The following ACVR2A variants were observed in gnomAD, a reference collection of about 807,000 sequenced individuals.
ACVR2A encodes activin A receptor type 2A, also known as activin receptor type-2A.
ACVR2A carries 7 observed loss-of-function variants against 61.4 expected under a neutral mutation model. The ratio of observed to expected loss-of-function variants is 0.11; its 90% CI spans 0.06 to 0.21. The LOEUF is 0.21. Among genes scored for constraint, ACVR2A ranks in the 10% least tolerant of loss-of-function variants. ACVR2A has a pLI of 1.00. For synonymous variants in ACVR2A, 193 were observed against 208.3 expected (o/e 0.93, Z 0.63); for missense variants, 322 against 621.7 (o/e 0.52, Z 5.13).
At chr2:147,881,687 G>A (rs2105171442) in intron 1 of ACVR2A, among the ~76,000 whole-genome samples, 1 of 146,254 alleles carries the variant, frequency 6.8e-6, no homozygotes, top group Non-Finnish European at 1.5e-5. Flanking sequence ...GATTGACAGG[G>A]CCTAAAATGT....
At chr2:147,860,744 A>G (rs1295948145) in intron 1 of ACVR2A, among the ~76,000 whole-genome samples, 2 of 152,300 alleles carry the variant, frequency 1.3e-5, no homozygotes, top group South Asian at 4.1e-4. Flanking sequence ...TCCTTACAGA[A>G]TGTGTTCATC....
intron 1 of ACVR2A, among the ~76,000 whole-genome samples, chr2:147,866,930 C>G (rs16827952): frequency 0.013 from 1,913 of 152,162 alleles, 47 homozygotes; most frequent in African/African-American, 0.044. Context: ...GACCAAAGAT[C>G]TAACTCTGGG....
chr2:147,895,472 G>A (rs985396079), intron 1 of ACVR2A, among the ~76,000 whole-genome samples: 2 of 152,190 alleles, frequency 1.3e-5, no homozygotes, highest in East Asian at 3.9e-4. Context: ...GTGCAATGCC[G>A]TGAACCTTGA....
intron 4 of ACVR2A, among the ~76,000 whole-genome samples, chr2:147,907,605 A>G (rs971478526): frequency 1.3e-5 from 2 of 152,178 alleles, no homozygotes; most frequent in Admixed American, 6.6e-5. Context: ...TGAGGCATTC[A>G]TAGATGAAGT....
chr2:147,924,501 T>C (rs1687456834), intron 9 of ACVR2A, among the ~76,000 whole-genome samples: 1 of 151,876 alleles, frequency 6.6e-6, no homozygotes, highest in African/African-American at 2.4e-5. Context: ...GAAATTGCTT[T>C]GTTTATGGGG....
At chr2:147,889,726 G>A (rs921580767) in intron 1 of ACVR2A, among the ~76,000 whole-genome samples, 1 of 151,832 alleles carries the variant, frequency 6.6e-6, no homozygotes, top group Non-Finnish European at 1.5e-5. Context: ...CAGCCTGGGC[G>A]ACAGAGTGAG....
At chr2:147,846,663 G>A (rs192812178) in intron 1 of ACVR2A, among the ~76,000 whole-genome samples, 7 of 152,284 alleles carry the variant, frequency 4.6e-5, no homozygotes, top group Admixed American at 4.6e-4. Context: ...TTTGTGCACG[G>A]TTTGGGAAGG....
At chr2:147,925,763 A>G in intron 9 of ACVR2A, 1 of 337,460 alleles carries the variant, frequency 3.0e-6, no homozygotes. Context: ...GTGCAGATGG[A>G]AATAGGCATC....
At chr2:147,904,375 T>A (rs1344549815) in intron 4 of ACVR2A, among the ~76,000 whole-genome samples, 1 of 151,994 alleles carries the variant, frequency 6.6e-6, no homozygotes, top group Non-Finnish European at 1.5e-5. Context: ...TTCCTGCTTA[T>A]AAGATCTATA....
At chr2:147,907,240 T>C (rs1687009017) in intron 4 of ACVR2A, among the ~76,000 whole-genome samples, 1 of 152,174 alleles carries the variant, frequency 6.6e-6, no homozygotes, top group Non-Finnish European at 1.5e-5. Flanking sequence ...CAGTCTATCA[T>C]TGATGGGCAT....
chr2:147,923,383 A>G (rs1687432040), intron 9 of ACVR2A, among the ~76,000 whole-genome samples: 1 of 152,016 alleles, frequency 6.6e-6, no homozygotes, highest in Admixed American at 6.6e-5. Context: ...GGTAGTTATT[A>G]TGCTTTACAT....
chr2:147,881,235 C>G (rs1686290963), intron 1 of ACVR2A, among the ~76,000 whole-genome samples: 1 of 152,014 alleles, frequency 6.6e-6, no homozygotes, highest in African/African-American at 2.4e-5. Context: ...TCCTGTTGTT[C>G]TATATATACT....
At chr2:147,850,299 A>T (rs1685412518) in intron 1 of ACVR2A, among the ~76,000 whole-genome samples, 1 of 152,058 alleles carries the variant, frequency 6.6e-6, no homozygotes, top group South Asian at 2.1e-4. Flanking sequence ...ATGAAAACAG[A>T]TTGAATTTAG....
intron 1 of ACVR2A, among the ~76,000 whole-genome samples, chr2:147,867,659 G>A (rs553278444): frequency 3.8e-4 from 58 of 152,228 alleles, no homozygotes; most frequent in Non-Finnish European, 7.6e-4. Context: ...GCTAGAAACC[G>A]TGGAGATTAC....
intron 8 of ACVR2A, 25 bp from the exon 9 acceptor site, chr2:147,922,948 T>C (rs1687420098): frequency 1.3e-6 from 2 of 1,595,450 alleles, no homozygotes; most frequent in African/African-American, 2.7e-5. Flanking sequence ...GAATGAGTAC[T>C]CTTTGCTTTT....
intron 1 of ACVR2A, among the ~76,000 whole-genome samples, chr2:147,847,441 G>A (rs1347707262): frequency 6.6e-6 from 1 of 152,132 alleles, no homozygotes; most frequent in African/African-American, 2.4e-5. Context: ...AGCATGAGGT[G>A]ACTATTTTTA....
chr2:147,864,848 A>G (rs1189891853), intron 1 of ACVR2A, among the ~76,000 whole-genome samples: 1 of 152,184 alleles, frequency 6.6e-6, no homozygotes, highest in Non-Finnish European at 1.5e-5. Flanking sequence ...GCCAGGTACT[A>G]TGGAGCTTAC....
At chr2:147,844,978 T>TA (rs1293258063), upstream of ACVR2A, 7 of 406,158 alleles carry the variant, frequency 1.7e-5, no homozygotes, top group African/African-American at 1.5e-4. Context: ...TTTTTTTCTT[T>TA]TTTTTTTTTA....
chr2:147,868,712 G>A (rs1685938508), intron 1 of ACVR2A, among the ~76,000 whole-genome samples: 1 of 151,790 alleles, frequency 6.6e-6, no homozygotes, highest in Non-Finnish European at 1.5e-5. Flanking sequence ...GCTTACTACA[G>A]CCTCCACCTC....
Sources: gnomAD v4.1 joint callset for allele counts (sites outside exome capture counted in the v4.1 genomes callset) on GRCh38, gnomAD v4.1.1 for gene constraint, MANE v1.5 for transcripts, NCBI Gene and HGNC (gene_info 2026-07-23, HGNC 2026-07-21) for gene names.